PTPRD: variants seen among roughly 807,000 people sequenced by gnomAD.
PTPRD encodes protein tyrosine phosphatase receptor type D.
PTPRD carries 34 observed loss-of-function variants against 214.5 expected under a neutral mutation model. That is an observed-to-expected ratio of 0.16 (90% CI 0.12 to 0.21). The LOEUF (loss-of-function observed/expected upper bound fraction) is 0.21. Ranked by LOEUF, PTPRD falls within the 10% of genes least tolerant of loss-of-function variation. PTPRD has a pLI of 1.00. For synonymous variants in PTPRD, 1,128 were observed against 845.7 expected (o/e 1.33, Z -5.79); for missense variants, 2,545 against 2,398.7 (o/e 1.06, Z -1.27).
rs150588912 is a variant in PTPRD at position 10,546,179 on chromosome 9, A to G, written c.-600+66219T>C. ...TAAATGAAAACACAAACAGACCCAT[A>G]AACAAATTACATGTGCATGTATTTA... On this transcript the variant is annotated intron_variant, in intron 2 of 45. Transcript: ENST00000381196. 1.7e-3 allele frequency among the ~76,000 whole-genome samples: 264 copies of G among 151,982 alleles called. 1 individual carries two copies. The highest frequency in any genetic ancestry group is 6.3e-3 in the African/African-American group (260 of 41,526).
At chr9:9,012,384 C>G (rs1220038214) in intron 11 of PTPRD, among the ~76,000 whole-genome samples, 1 of 152,148 alleles carries the variant, frequency 6.6e-6, no homozygotes, top group Non-Finnish European at 1.5e-5. Context: ...AGAACACTAA[C>G]AAACCTGCCC....
chr9:10,470,715 G>C (rs1005021245), intron 2 of PTPRD, among the ~76,000 whole-genome samples: 5 of 152,088 alleles, frequency 3.3e-5, no homozygotes, highest in Admixed American at 3.3e-4. Context: ...ACTGTTTTCA[G>C]AAATTTTCCC....
chr9:10,136,433 C>T (rs1305252919), intron 3 of PTPRD, among the ~76,000 whole-genome samples: 2 of 152,090 alleles, frequency 1.3e-5, no homozygotes, highest in African/African-American at 2.4e-5. Flanking sequence ...AGTACACAGT[C>T]TTTTAATCTG....
intron 3 of PTPRD, among the ~76,000 whole-genome samples, chr9:10,228,486 T>G (rs966451870): frequency 6.6e-6 from 1 of 151,902 alleles, no homozygotes; most frequent in Non-Finnish European, 1.5e-5. Context: ...AGAACTATAA[T>G]TAGCTCTAAC....
At chr9:9,934,015 G>A (rs1291816795) in intron 5 of PTPRD, among the ~76,000 whole-genome samples, 3 of 148,270 alleles carry the variant, frequency 2.0e-5, no homozygotes, top group South Asian at 2.1e-4. Context: ...AAATAAAGAT[G>A]TTCTTTGAAA....
chr9:8,743,177 G>A (rs1370121303), intron 11 of PTPRD, among the ~76,000 whole-genome samples: 2 of 151,750 alleles, frequency 1.3e-5, no homozygotes, highest in South Asian at 2.1e-4. Context: ...AATTTTAGGT[G>A]TTTTCATACA....
At chr9:8,566,989 A>G (rs1255032133) in intron 14 of PTPRD, among the ~76,000 whole-genome samples, 1 of 152,106 alleles carries the variant, frequency 6.6e-6, no homozygotes, top group Non-Finnish European at 1.5e-5. Flanking sequence ...TGTTTCTTAC[A>G]TCTCTCCTCA....
chr9:10,370,883 AC>A (rs2097598959), intron 2 of PTPRD, among the ~76,000 whole-genome samples: 1 of 151,612 alleles, frequency 6.6e-6, no homozygotes, highest in Non-Finnish European at 1.5e-5. Flanking sequence ...AATAATCCTC[AC>A]CCCTGGTCTG....
At chr9:8,644,451 T>A (rs142500561) in intron 12 of PTPRD, among the ~76,000 whole-genome samples, 1 of 152,218 alleles carries the variant, frequency 6.6e-6, no homozygotes, top group Non-Finnish European at 1.5e-5. Flanking sequence ...ACCAGCCAAC[T>A]GGCAAGGCTA....
At chr9:9,425,711 C>G (rs1211607011) in intron 8 of PTPRD, among the ~76,000 whole-genome samples, 2 of 151,638 alleles carry the variant, frequency 1.3e-5, no homozygotes, top group African/African-American at 2.4e-5. Context: ...TAGTTTTGAG[C>G]AAAGGTAGCT....
At chr9:10,562,622 C>T (rs973879118) in intron 2 of PTPRD, among the ~76,000 whole-genome samples, 13 of 151,942 alleles carry the variant, frequency 8.6e-5, no homozygotes, top group Admixed American at 2.6e-4. Context: ...AAAGTTAATA[C>T]GTCATTAAAT....
intron 2 of PTPRD, among the ~76,000 whole-genome samples, chr9:10,360,989 C>A (rs1272517060): frequency 5.9e-5 from 9 of 152,010 alleles, no homozygotes; most frequent in Non-Finnish European, 1.2e-4. Flanking sequence ...GTAGTCCCAG[C>A]TACTCGGGAG....
intron 10 of PTPRD, among the ~76,000 whole-genome samples, chr9:9,057,272 G>C (rs990864336): frequency 4.6e-5 from 7 of 152,078 alleles, no homozygotes; most frequent in African/African-American, 1.7e-4. Flanking sequence ...TCTTTCTAGG[G>C]ACTGTCAGTC....
chr9:9,980,281 A>G (rs1007400183), intron 4 of PTPRD, among the ~76,000 whole-genome samples: 2 of 152,028 alleles, frequency 1.3e-5, no homozygotes, highest in African/African-American at 4.8e-5. Flanking sequence ...TACTTGTAAT[A>G]TATAAACATA....
intron 3 of PTPRD, among the ~76,000 whole-genome samples, chr9:10,256,768 T>G (rs992680323): frequency 6.6e-6 from 1 of 152,164 alleles, no homozygotes; most frequent in East Asian, 1.9e-4. Flanking sequence ...ATTCATCATG[T>G]GTCTTTTGAA....
intron 3 of PTPRD, among the ~76,000 whole-genome samples, chr9:10,184,746 T>C (rs294848): frequency 0.3 from 45,665 of 152,046 alleles, 6,947 homozygotes; most frequent in South Asian, 0.35. Context: ...GGGGGCAGAA[T>C]AAGCAATATC....
chr9:9,806,039 A>C (rs908780110), intron 5 of PTPRD, among the ~76,000 whole-genome samples: 1 of 152,196 alleles, frequency 6.6e-6, no homozygotes, highest in Non-Finnish European at 1.5e-5. Flanking sequence ...AAGCCATTAC[A>C]TATAAAGGAT....
chr9:10,052,752 A>T (rs1412749738), intron 3 of PTPRD, among the ~76,000 whole-genome samples: 1 of 151,908 alleles, frequency 6.6e-6, no homozygotes, highest in Admixed American at 6.6e-5. Context: ...TTTCTATCGA[A>T]ATTCTTTCTT....
intron 11 of PTPRD, among the ~76,000 whole-genome samples, chr9:9,017,341 T>C (rs2099540214): frequency 6.6e-6 from 1 of 152,164 alleles, no homozygotes; most frequent in South Asian, 2.1e-4. Flanking sequence ...GGTTCCTTGG[T>C]AAATCTGTGT....
Sources: gnomAD v4.1 joint callset for allele counts (sites outside exome capture counted in the v4.1 genomes callset) on GRCh38, gnomAD v4.1.1 for gene constraint, MANE v1.5 for transcripts, NCBI Gene and HGNC (gene_info 2026-07-23, HGNC 2026-07-21) for gene names.